VPS13B: variants seen among roughly 807,000 people sequenced by gnomAD.
The protein encoded by VPS13B is intermembrane lipid transfer protein VPS13B.
A neutral mutation model predicts 426.4 loss-of-function variants in VPS13B; 285 were observed. The observed-to-expected ratio is 0.67, with a 90% CI of 0.61 to 0.74. The LOEUF (loss-of-function observed/expected upper bound fraction) is 0.74. VPS13B is among the 30% of genes least tolerant of loss of function. The pLI, the probability that VPS13B is intolerant of heterozygous loss-of-function variation, is 0.00. For missense variants in VPS13B, 4,537 were observed against 4,782.6 expected (o/e 0.95, Z 1.51); for synonymous variants, 1,676 against 1,676.4 (o/e 1.00, Z 0.01).
At chr8:99,027,048 T>C (rs992682158) in intron 2 of VPS13B, among the ~76,000 whole-genome samples, 1 of 152,046 alleles carries the variant, frequency 6.6e-6, no homozygotes, top group Non-Finnish European at 1.5e-5. Flanking sequence ...AGCTAATTTT[T>C]GTATTTTTAT....
chr8:99,766,996 A>G (rs1455664492), intron 40 of VPS13B, 26 bp downstream of exon 40: 1 of 1,606,492 alleles, frequency 6.2e-7, no homozygotes, highest in South Asian at 1.1e-5. Context: ...ATGATATGGT[A>G]GCATTACACT....
chr8:99,271,628 C>T (rs553904822), intron 17 of VPS13B, among the ~76,000 whole-genome samples: 5 of 152,324 alleles, frequency 3.3e-5, no homozygotes, highest in African/African-American at 1.2e-4. Flanking sequence ...AGGAAAGACA[C>T]TTGATTGACT....
intron 33 of VPS13B, among the ~76,000 whole-genome samples, chr8:99,636,051 C>T (rs563533882): frequency 1.3e-5 from 2 of 152,010 alleles, no homozygotes; most frequent in African/African-American, 4.8e-5. Context: ...TGGGAAAATG[C>T]GCTGAAATGA....
At chr8:99,853,197 G>T in intron 55 of VPS13B, among the ~76,000 whole-genome samples, 1 of 152,152 alleles carries the variant, frequency 6.6e-6, no homozygotes, top group South Asian at 2.1e-4. Context: ...TAAAAATCTG[G>T]TGTTGATAAG....
At chr8:99,779,931 G>T (rs896995291) in intron 42 of VPS13B, among the ~76,000 whole-genome samples, 1 of 152,146 alleles carries the variant, frequency 6.6e-6, no homozygotes, top group Non-Finnish European at 1.5e-5. Flanking sequence ...CTCCTTTTGG[G>T]ATGGAGCAGT....
intron 4 of VPS13B, 119 bp from the exon 5 acceptor site, chr8:99,102,834 T>C (rs544443558): frequency 1.9e-6 from 2 of 1,046,184 alleles, no homozygotes; most frequent in South Asian, 3.0e-5. Context: ...CAGTTTCTCT[T>C]TGGGAAATAT....
intron 55 of VPS13B, among the ~76,000 whole-genome samples, chr8:99,850,259 ACAT>A (rs1242723427): frequency 1.4e-5 from 2 of 140,494 alleles, no homozygotes; most frequent in Non-Finnish European, 3.1e-5. Flanking sequence ...ATACATACAT[ACAT>A]AAGTACGCAT....
At chr8:99,557,844 G>A (rs1259782181) in intron 31 of VPS13B, among the ~76,000 whole-genome samples, 4 of 152,162 alleles carry the variant, frequency 2.6e-5, no homozygotes, top group East Asian at 1.9e-4. Context: ...CTAGAAAGGC[G>A]GTATTAGGCA....
chr8:99,459,987 T>C (rs1818741349), intron 23 of VPS13B, among the ~76,000 whole-genome samples: 1 of 152,168 alleles, frequency 6.6e-6, no homozygotes, highest in African/African-American at 2.4e-5. Flanking sequence ...AACTTACTTT[T>C]GGTTTTGAAT....
rs181455313 is a variant in VPS13B, at chr8:99,278,310, C to G, written c.2824+3056C>G. Among the ~76,000 whole-genome samples, 148 of 152,022 alleles carry G rather than the reference C, an allele frequency of 9.7e-4. 1 individual carries two copies. The highest frequency in any genetic ancestry group is 1.6e-3 in the Non-Finnish European group (109 of 67,988). On this transcript the variant is annotated intron_variant, in intron 19 of 61. Coordinates refer to ENST00000357162, the MANE Select transcript of VPS13B (RefSeq NM_152564.5). ...TGAGAGGAGCTTATTACTTAGGCAG[C>G]CTTTTGACTGTGATTTGAGAATGTG...
chr8:99,147,842 T>TA lies in VPS13B; in HGVS notation c.1846dup (p.Ile616AsnfsTer2). On this transcript the variant is annotated frameshift_variant and splice_region_variant, in exon 14 of 62. Coordinates refer to ENST00000357162, the MANE Select transcript of VPS13B (RefSeq NM_152564.5). LOFTEE classifies it high-confidence loss of function. ...AATTTTTTATCATTTTAATTTTAGA[T>TA]ATTAAGGATGAAAATGAAACAATAC... The TA allele has an allele frequency of 2.0e-6, 3 of 1,485,206 alleles. No individual in the cohort carries two copies. Among genetic ancestry groups the TA allele is most frequent in the Non-Finnish European group, 2.7e-6 (3 of 1,111,886 alleles). The allele number at this position is 1,485,206 out of a possible 1,614,324, so 92.0% of individuals were successfully genotyped here.
chr8:99,203,342 A>G (rs888343798), intron 17 of VPS13B, among the ~76,000 whole-genome samples: 1 of 152,162 alleles, frequency 6.6e-6, no homozygotes, highest in African/African-American at 2.4e-5. Context: ...TCAATAAACT[A>G]GGTATTGATG....
intron 33 of VPS13B, among the ~76,000 whole-genome samples, chr8:99,631,904 T>C (rs887272022): frequency 6.6e-6 from 1 of 152,136 alleles, no homozygotes; most frequent in Admixed American, 6.6e-5. Context: ...ATTTTGCTAA[T>C]TAGTTTTGAC....
intron 19 of VPS13B, among the ~76,000 whole-genome samples, chr8:99,297,913 G>A (rs573762676): frequency 2.0e-5 from 3 of 152,194 alleles, no homozygotes; most frequent in African/African-American, 4.8e-5. Flanking sequence ...ATGTCTTCTT[G>A]CTGGGTAATA....
intron 3 of VPS13B, among the ~76,000 whole-genome samples, chr8:99,064,784 G>A (rs1844384451): frequency 6.6e-6 from 1 of 152,166 alleles, no homozygotes; most frequent in Admixed American, 6.5e-5. Flanking sequence ...TTCGAGAAGA[G>A]CAACTCCAAG....
intron 19 of VPS13B, among the ~76,000 whole-genome samples, chr8:99,302,513 T>C (rs1237823023): frequency 3.4e-5 from 5 of 147,322 alleles, no homozygotes; most frequent in Non-Finnish European, 7.5e-5. Context: ...ACTCTATTGA[T>C]TTTTTTTTTT....
intron 30 of VPS13B, among the ~76,000 whole-genome samples, chr8:99,528,886 C>T (rs892129245): frequency 6.6e-6 from 1 of 151,854 alleles, no homozygotes; most frequent in African/African-American, 2.4e-5. Flanking sequence ...CTTTTCAGTA[C>T]ATTTTAATTG....
chr8:99,463,798 T>C (rs929988898), intron 23 of VPS13B, among the ~76,000 whole-genome samples: 8 of 152,168 alleles, frequency 5.3e-5, no homozygotes, highest in African/African-American at 1.9e-4. Context: ...GTTTAAGCAA[T>C]TCTCCTGCCT....
chr8:99,716,287 A>C (rs1235958504), intron 36 of VPS13B, among the ~76,000 whole-genome samples: 6 of 152,218 alleles, frequency 3.9e-5, no homozygotes, highest in Admixed American at 1.3e-4. Context: ...ACATGTGTAT[A>C]CTGTGGGCCT....
Sources: gnomAD v4.1 joint callset for allele counts (sites outside exome capture counted in the v4.1 genomes callset) on GRCh38, gnomAD v4.1.1 for gene constraint, MANE v1.5 for transcripts, NCBI Gene and HGNC (gene_info 2026-07-23, HGNC 2026-07-21) for gene names.